The following ZNF317 variants were observed in gnomAD, a reference collection of about 807,000 sequenced individuals.
ZNF317 encodes the protein KRAB-containing zinc finger protein 317.
ZNF317 carries 17 observed loss-of-function variants against 23.4 expected under a neutral mutation model. That is an observed-to-expected ratio of 0.73 (90% confidence interval 0.50 to 1.09). The LOEUF is 1.09. Among genes scored for constraint, ZNF317 ranks in the 50% least tolerant of loss-of-function variants. The pLI, the probability that ZNF317 is intolerant of heterozygous loss-of-function variation, is 0.00. For synonymous variants in ZNF317, 317 were observed against 314.9 expected, an observed-to-expected ratio of 1.01 and a Z score of -0.07; for missense variants, 679 against 796.7, an observed-to-expected ratio of 0.85 and a Z score of 1.78.
chr19:9,161,661 T>C lies in ZNF317; in HGVS notation c.*228T>C. The C allele has an allele frequency of 1.8e-6, 1 of 550,856 alleles. No individual in the cohort carries two copies. The highest frequency in any genetic ancestry group is 3.1e-6 in the Non-Finnish European group (1 of 318,368). 34.1% of individuals were successfully genotyped at this position (550,856 alleles called of 1,614,324 possible). A position where few individuals can be genotyped will look rare whatever the true frequency, so the allele number is the denominator to read the frequency against. ...TGTACGTCTGTAGCATGGAGAAGCC[T>C]TCAGGGTACATTCAGCTCTTAACAA... On this transcript the variant is annotated 3_prime_UTR_variant, in exon 7 of 7. Coordinates refer to ENST00000247956, the MANE Select transcript of ZNF317 (RefSeq NM_020933.5). The surrounding 1 kb of genome is among the most constrained non-coding windows in gnomAD (Gnocchi z 4.0).
intron 1 of ZNF317, among the ~76,000 whole-genome samples, chr19:9,144,281 G>A (rs918008367): frequency 6.6e-6 from 1 of 152,162 alleles, no homozygotes; most frequent in Admixed American, 6.5e-5. Flanking sequence ...GGGATTACAG[G>A]CATGAGCCAC....
At position 9,160,282 on chromosome 19, in the gene ZNF317, A is replaced by G. The variant is rs756280730; in HGVS notation, c.637A>G (p.Met213Val). 5 of 1,614,214 alleles carry G rather than the reference A, an allele frequency of 3.1e-6. No individual in the cohort carries two copies. The highest frequency in any genetic ancestry group is 4.2e-6 in the Non-Finnish European group (5 of 1,180,042). The change falls in exon 7 of 7, where the codon ATG (methionine) becomes GTG (valine). Residue 213 changes from methionine (M) to valine (V), a missense_variant. Met to Val is a conservative substitution (Grantham distance 21). Transcript: ENST00000247956. The surrounding 1 kb of genome is among the most constrained non-coding windows in gnomAD (Gnocchi z 6.8). ...FKGRPHLTQHMSMYDGRKMHE... is the reference protein window; with the variant it reads ...FKGRPHLTQHVSMYDGRKMHE... ...GGGCAGGCCGCACCTCACTCAGCAC[A>G]TGAGCATGTACGACGGGAGAAAAAT...
intron 1 of ZNF317, among the ~76,000 whole-genome samples, chr19:9,153,517 A>G (rs757113760): frequency 1.3e-5 from 2 of 152,178 alleles, no homozygotes; most frequent in Non-Finnish European, 2.9e-5. Flanking sequence ...GGCAAAGGGA[A>G]TAAGATCTCG....
intron 1 of ZNF317, among the ~76,000 whole-genome samples, chr19:9,141,026 T>G (rs1568309386): frequency 6.6e-6 from 1 of 152,142 alleles, no homozygotes; most frequent in Non-Finnish European, 1.5e-5. Flanking sequence ...CCTTTTATAT[T>G]TTTAATTTAA....
Position 9,161,572 on chromosome 19 carries a change from A to G in ZNF317, c.*139A>G, listed in dbSNP as rs2050857823. 4 of 1,333,980 alleles carry G rather than the reference A, an allele frequency of 3.0e-6. No homozygotes were observed. Among genetic ancestry groups the G allele is most frequent in the Non-Finnish European group, 1.0e-6 (1 of 985,444 alleles). The allele number at this position is 1,333,980 out of a possible 1,614,324, so 82.6% of individuals were successfully genotyped here. A position where few individuals can be genotyped will look rare whatever the true frequency, so the allele number is the denominator to read the frequency against. ...TGGGAGAAGTCCAGTTCCTGTAAAA[A>G]CTGGGAAGACGAGGCGTTCTCATCC... On this transcript the variant is annotated 3_prime_UTR_variant, in exon 7 of 7. Transcript: ENST00000247956. This position sits in a 1 kb window ranked among gnomAD's most constrained non-coding sequence, Gnocchi z 4.0.
Position 9,162,108 on chromosome 19 carries a change from C to G in ZNF317, c.*675C>G, listed in dbSNP as rs991498144. 1 of 152,120 alleles carries G rather than the reference C, an allele frequency of 6.6e-6. No homozygotes were observed. The highest frequency in any genetic ancestry group is 2.4e-5 in the African/African-American group (1 of 41,404). The allele number at this position is 152,120 out of a possible 1,614,324, so 9.4% of individuals were successfully genotyped here. A position where few individuals can be genotyped will look rare whatever the true frequency, so the allele number is the denominator to read the frequency against. On this transcript the variant is annotated 3_prime_UTR_variant, in exon 7 of 7. Coordinates refer to ENST00000247956, the MANE Select transcript of ZNF317 (RefSeq NM_020933.5). ...CTTGGCCGACCCTTGGTCTACAGCACGGGTTCTCAGTCGGGCGACGATTTG... is the reference window on the plus strand; with the variant it reads ...CTTGGCCGACCCTTGGTCTACAGCAGGGGTTCTCAGTCGGGCGACGATTTG...
chr19:9,147,978 A>G (rs1459803960), intron 1 of ZNF317, among the ~76,000 whole-genome samples: 2 of 151,992 alleles, frequency 1.3e-5, no homozygotes, highest in East Asian at 3.9e-4. Context: ...ATGGCGGGTG[A>G]GTTCTCCTGA....
In ZNF317 at chr19:9,140,469, A is replaced by G. The variant is rs1396971518; in HGVS notation, c.-216A>G. 2.2e-6 allele frequency: 1 copy of G among 455,876 alleles called. No homozygotes were observed. Among genetic ancestry groups the G allele is most frequent in the Non-Finnish European group, 4.4e-6 (1 of 226,618 alleles). The allele number at this position is 455,876 out of a possible 1,614,324, so 28.2% of individuals were successfully genotyped here. ...ATGGGCCAAGGAGGGGTCAGCGGCG[A>G]ATTCTTTCGGCCTGTTGGGGACCCC... On this transcript the variant is annotated 5_prime_UTR_variant, in exon 1 of 7. Transcript: ENST00000247956.
intron 1 of ZNF317, among the ~76,000 whole-genome samples, chr19:9,154,115 A>G (rs1423128003): frequency 7.1e-6 from 1 of 141,346 alleles, no homozygotes; most frequent in African/African-American, 2.9e-5. Context: ...TTGCCTTGAG[A>G]AGGGAGGGCA....
chr19:9,160,138 T>C lies in ZNF317; in HGVS notation c.493T>C (p.Ser165Pro). Residue 165 changes from serine to proline, a missense_variant, in exon 7 of 7, where the codon TCC becomes CCC. Transcript: ENST00000247956. The surrounding 1 kb of genome is among the most constrained non-coding windows in gnomAD (Gnocchi z 6.8). ...TMERAGLGEK[S>P]TEYAHLFEVF... ...GGAAAGAGCCGGTCTTGGAGAGAAGTCCACTGAATACGCTCACTTGTTCGA... is the reference window on the plus strand; with the variant it reads ...GGAAAGAGCCGGTCTTGGAGAGAAGCCCACTGAATACGCTCACTTGTTCGA... The C allele has an allele frequency of 6.2e-7, 1 of 1,614,090 alleles. No individual in the cohort carries two copies. The highest frequency in any genetic ancestry group is 8.5e-7 in the Non-Finnish European group (1 of 1,179,988).
intron 2 of ZNF317, 112 bp from the exon 3 acceptor site, chr19:9,156,500 G>C: frequency 7.4e-7 from 1 of 1,352,056 alleles, no homozygotes; most frequent in East Asian, 2.3e-5. Flanking sequence ...AGAGAGAGAG[G>C]ATTGAGGATG....
At chr19:9,147,893 T>C (rs1470721606) in intron 1 of ZNF317, among the ~76,000 whole-genome samples, 2 of 151,936 alleles carry the variant, frequency 1.3e-5, no homozygotes, top group Non-Finnish European at 2.9e-5. Flanking sequence ...TGGGGCCTGG[T>C]GGGGGGCGAT....
At chr19:9,156,233 A>G (rs957842550) in intron 2 of ZNF317, among the ~76,000 whole-genome samples, 192 bp downstream of exon 2, 3 of 152,144 alleles carry the variant, frequency 2.0e-5, no homozygotes, top group Non-Finnish European at 4.4e-5. Flanking sequence ...GTCTGGGAGC[A>G]GGCCAGTGTC....
At chr19:9,141,055 T>C (rs1471007110) in intron 1 of ZNF317, among the ~76,000 whole-genome samples, 1 of 149,762 alleles carries the variant, frequency 6.7e-6, no homozygotes, top group Non-Finnish European at 1.5e-5. Context: ...GGTTGCACTT[T>C]TTTATTTATT....
rs906216468 is a variant in ZNF317, at chr19:9,162,691, A to G, written c.*1258A>G. On this transcript the variant is annotated 3_prime_UTR_variant, in exon 7 of 7. Transcript: ENST00000247956. ...TATTTTTAAGGTTATACTCCTCTAA[A>G]TAACCCTTAAGCCTCATCAAGAAAG... is the stretch of plus-strand genomic sequence containing the variant. The G allele has an allele frequency of 6.6e-6, 1 of 152,136 alleles. No individual in the cohort carries two copies. The highest frequency in any genetic ancestry group is 1.5e-5 in the Non-Finnish European group (1 of 68,040). The allele number at this position is 152,136 out of a possible 1,614,324, so 9.4% of individuals were successfully genotyped here.
intron 4 of ZNF317, chr19:9,157,681 C>CTTTTTTTTTTTTTTTTTTTTTTTTTTT (rs566513253): frequency 3.0e-6 from 1 of 335,412 alleles, no homozygotes. Context: ...TTTCCTATTT[C>CTTTTTTTTTTTTTTTTTTTTTTTTTTT]TTTTTTTTTT....
chr19:9,154,280 C>A (rs944984525), intron 1 of ZNF317, among the ~76,000 whole-genome samples: 9 of 152,116 alleles, frequency 5.9e-5, no homozygotes, highest in Admixed American at 3.9e-4. Flanking sequence ...ATAGGTCTTA[C>A]TTAGGTGATC....
intron 1 of ZNF317, among the ~76,000 whole-genome samples, chr19:9,142,052 G>T (rs113633354): frequency 5.3e-5 from 8 of 151,992 alleles, no homozygotes; most frequent in African/African-American, 1.2e-4. Context: ...GTGATCCACC[G>T]GCCTTGGCCT....
At chr19:9,155,887 G>C (rs2050776980) in intron 1 of ZNF317, 38 bp from the exon 2 acceptor site, 2 of 1,141,332 alleles carry the variant, frequency 1.8e-6, no homozygotes, top group African/African-American at 3.0e-5. Flanking sequence ...GAGACAGATA[G>C]CCTTTCACTA....
Sources: gnomAD v4.1 joint callset for allele counts (sites outside exome capture counted in the v4.1 genomes callset) on GRCh38, gnomAD v4.1.1 for gene constraint, Gnocchi (gnomAD v3.1) non-coding constraint, MANE v1.5 for transcripts, NCBI Gene and HGNC (gene_info 2026-07-23, HGNC 2026-07-21) for gene names.